Variants in EXOC4 observed in about 807,000 individuals in gnomAD.
The protein encoded by EXOC4 is exocyst complex component 4.
In EXOC4, 71 loss-of-function variants were observed where a neutral mutation model predicts 107.2. The ratio of observed to expected loss-of-function variants is 0.66; its 90% CI spans 0.55 to 0.81. The LOEUF is 0.81. EXOC4 is among the 30% of genes least tolerant of loss of function. The pLI, the probability that EXOC4 is intolerant of heterozygous loss-of-function variation, is 0.00. For synonymous variants in EXOC4, 456 were observed against 441.2 expected (o/e 1.03, Z -0.42); for missense variants, 1,108 against 1,189.6 (o/e 0.93, Z 1.01).
chr7:133,931,328 G>A (rs968382704), intron 13 of EXOC4, among the ~76,000 whole-genome samples: 1 of 152,114 alleles, frequency 6.6e-6, no homozygotes, highest in African/African-American at 2.4e-5. Context: ...ATGTATGTCT[G>A]TATTCATGTG....
chr7:133,563,287 GTC>G (rs902287075), intron 9 of EXOC4, among the ~76,000 whole-genome samples: 1 of 152,102 alleles, frequency 6.6e-6, no homozygotes, highest in Non-Finnish European at 1.5e-5. Context: ...TTTAAAGAAT[GTC>G]TCAAGAAATG....
the EXOC4 span, among the ~76,000 whole-genome samples, chr7:134,078,204 T>G: frequency 6.6e-6 from 1 of 152,134 alleles, no homozygotes; most frequent in Non-Finnish European, 1.5e-5. Flanking sequence ...TTTGAACTCC[T>G]GTAGTATTAG....
At chr7:133,484,674 A>G (rs764195197) in intron 9 of EXOC4, among the ~76,000 whole-genome samples, 1 of 152,190 alleles carries the variant, frequency 6.6e-6, no homozygotes, top group Non-Finnish European at 1.5e-5. Flanking sequence ...TGACTACTTT[A>G]GGGGAATGTT....
chr7:133,999,752 T>C (rs1794488311), intron 15 of EXOC4, among the ~76,000 whole-genome samples: 1 of 152,182 alleles, frequency 6.6e-6, no homozygotes, highest in Admixed American at 6.5e-5. Context: ...TTATACATAT[T>C]CTACATTCAG....
intron 15 of EXOC4, among the ~76,000 whole-genome samples, chr7:134,001,066 A>G (rs1256584563): frequency 6.6e-6 from 1 of 152,172 alleles, no homozygotes; most frequent in East Asian, 1.9e-4. Flanking sequence ...TTTAACCACC[A>G]AGCAGCCCCT....
At chr7:133,400,295 A>T (rs183948985) in intron 7 of EXOC4, among the ~76,000 whole-genome samples, 1 of 152,348 alleles carries the variant, frequency 6.6e-6, no homozygotes, top group Admixed American at 6.5e-5. Context: ...TAATGCAATA[A>T]GAACCTGAAT....
At chr7:133,830,461 T>C (rs1797786124) in intron 11 of EXOC4, among the ~76,000 whole-genome samples, 1 of 152,314 alleles carries the variant, frequency 6.6e-6, no homozygotes, top group African/African-American at 2.4e-5. Flanking sequence ...CTTCAACACA[T>C]AGTAGGCACT....
intron 5 of EXOC4, among the ~76,000 whole-genome samples, chr7:133,333,223 G>T (rs1018505483): frequency 6.6e-6 from 1 of 152,102 alleles, no homozygotes; most frequent in Non-Finnish European, 1.5e-5. Context: ...TCTATGACTT[G>T]TAATCAGGTA....
intron 10 of EXOC4, among the ~76,000 whole-genome samples, chr7:133,804,201 T>C (rs1797017047): frequency 6.6e-6 from 1 of 152,136 alleles, no homozygotes; most frequent in South Asian, 2.1e-4. Flanking sequence ...AAAGTGTAGA[T>C]GTGTGAACAG....
rs114955889 is a variant in EXOC4, at chr7:134,050,165, C to G, written c.2688-14126C>G. Among the ~76,000 whole-genome samples the G allele has an allele frequency of 4.8e-3, 730 of 152,210 alleles. 6 individuals carry two copies. The highest frequency in any genetic ancestry group is 0.016 in the African/African-American group (682 of 41,534). On this transcript the variant is annotated intron_variant, in intron 17 of 17. Transcript: ENST00000253861. ...TGTATAAAATATATTTGGAAGGATACCCTGGAAACTAGTAATAGTAATTGT... is the reference window on the plus strand; with the variant it reads ...TGTATAAAATATATTTGGAAGGATAGCCTGGAAACTAGTAATAGTAATTGT...
intron 10 of EXOC4, among the ~76,000 whole-genome samples, chr7:133,705,063 T>A (rs1166022551): frequency 1.3e-5 from 2 of 152,180 alleles, no homozygotes; most frequent in Non-Finnish European, 2.9e-5. Flanking sequence ...GATACTATAC[T>A]TTTTAAAAAT....
chr7:133,364,811 A>G (rs534819399), intron 6 of EXOC4, among the ~76,000 whole-genome samples: 2 of 152,296 alleles, frequency 1.3e-5, no homozygotes, highest in Non-Finnish European at 2.9e-5. Context: ...CAGGGGCATT[A>G]TTATTAATCC....
At chr7:133,611,026 A>AC (rs1802065766) in intron 9 of EXOC4, among the ~76,000 whole-genome samples, 1 of 145,380 alleles carries the variant, frequency 6.9e-6, no homozygotes, top group African/African-American at 2.6e-5. Flanking sequence ...TTTCACCTGA[A>AC]CTCCCGGGCT....
At chr7:133,487,664 G>A (rs1799294152) in intron 9 of EXOC4, among the ~76,000 whole-genome samples, 1 of 152,036 alleles carries the variant, frequency 6.6e-6, no homozygotes, top group East Asian at 1.9e-4. Flanking sequence ...AGTCAAGATC[G>A]TACCACTGTG....
chr7:133,812,649 C>T (rs1424335064), intron 10 of EXOC4, among the ~76,000 whole-genome samples: 1 of 151,878 alleles, frequency 6.6e-6, no homozygotes, highest in African/African-American at 2.4e-5. Context: ...AAATTATATT[C>T]ATTTATGATA....
At chr7:133,579,686 C>CTTTTTTTTTTT (rs11368284) in intron 9 of EXOC4, among the ~76,000 whole-genome samples, 1 of 139,798 alleles carries the variant, frequency 7.2e-6, no homozygotes. Context: ...CACAACTTTA[C>CTTTTTTTTTTT]TTTTTTTTTT....
At chr7:133,315,443 T>C (rs1367927329) in intron 4 of EXOC4, 1 of 152,126 alleles carries the variant, frequency 6.6e-6, no homozygotes, top group Non-Finnish European at 1.5e-5. Flanking sequence ...TGGAAAGAGC[T>C]CTTTGTGTCT....
chr7:133,585,618 C>A (rs1204127532), intron 9 of EXOC4, among the ~76,000 whole-genome samples: 1 of 151,322 alleles, frequency 6.6e-6, no homozygotes, highest in African/African-American at 2.4e-5. Flanking sequence ...AGAGTGAGAC[C>A]CTGTCTTAGA....
intron 7 of EXOC4, among the ~76,000 whole-genome samples, chr7:133,410,236 T>C (rs1797325695): frequency 6.6e-6 from 1 of 152,178 alleles, no homozygotes; most frequent in African/African-American, 2.4e-5. Flanking sequence ...TAGCTCAGCC[T>C]TCTTATCAAG....
Sources: allele counts gnomAD v4.1 joint callset (sites outside exome capture counted in the v4.1 genomes callset), GRCh38; gene constraint gnomAD v4.1.1; transcripts MANE v1.5; gene names NCBI Gene and HGNC (gene_info 2026-07-23, HGNC 2026-07-21).